GAS2: variants seen among roughly 807,000 people sequenced by gnomAD.
GAS2 encodes the protein growth arrest specific 2.
GAS2 carries 20 observed loss-of-function variants against 37.5 expected under a neutral mutation model. The ratio of observed to expected loss-of-function variants is 0.53; its 90% CI spans 0.37 to 0.77. The LOEUF (loss-of-function observed/expected upper bound fraction) is 0.77. Ranked by LOEUF, GAS2 falls within the 30% of genes least tolerant of loss-of-function variation. The pLI is 0.00. For synonymous variants in GAS2, 144 were observed against 132.2 expected (o/e 1.09, Z -0.61); for missense variants, 336 against 373.4 (o/e 0.90, Z 0.82).
rs1293237183 is a variant in GAS2 at position 22,812,032 on chromosome 11, A to C, written c.*16A>C. 6.3e-7 allele frequency: 1 copy of C among 1,591,688 alleles called. No homozygotes were observed. Among genetic ancestry groups the C allele is most frequent in the African/African-American group, 1.3e-5 (1 of 74,490 alleles). On this transcript the variant is annotated 3_prime_UTR_variant, in exon 8 of 8. Transcript: ENST00000454584. ...AATTAAGTGAAACAAATTGGTCATG[A>C]CAAGGGGACCCTCATAATGGCCTGT...
At chr11:22,663,405 C>CA (rs551422163), upstream of GAS2, among the ~76,000 whole-genome samples, 2,344 of 128,536 alleles carry the variant, frequency 0.018, 50 homozygotes, top group East Asian at 0.087. Context: ...TAGCCCTTCT[C>CA]AAAAAAAAAA....
chr11:22,646,196 T>A (rs1848688716), intron 1 of GAS2, among the ~76,000 whole-genome samples: 1 of 152,230 alleles, frequency 6.6e-6, no homozygotes, highest in African/African-American at 2.4e-5. Context: ...ATGTAATATC[T>A]GTAATTCTGT....
intron 4 of GAS2, among the ~76,000 whole-genome samples, chr11:22,729,952 C>T (rs1277930500): frequency 2.0e-5 from 3 of 151,342 alleles, no homozygotes; most frequent in Non-Finnish European, 3.0e-5. Context: ...GTTCTGCTTC[C>T]AAAAATGTAT....
chr11:22,652,428 T>C (rs1590573647), intron 1 of GAS2, among the ~76,000 whole-genome samples: 2 of 152,234 alleles, frequency 1.3e-5, no homozygotes, highest in African/African-American at 2.4e-5. Flanking sequence ...GCAGGCCTCC[T>C]TGAGCTGTGG....
intron 7 of GAS2, among the ~76,000 whole-genome samples, chr11:22,789,086 A>T (rs1362580831): frequency 2.6e-5 from 4 of 151,120 alleles, no homozygotes; most frequent in Non-Finnish European, 4.4e-5. Context: ...TGGGAAAAGA[A>T]TTCAAATATA....
At chr11:22,745,432 C>A (rs1016722516) in intron 5 of GAS2, among the ~76,000 whole-genome samples, 1 of 152,022 alleles carries the variant, frequency 6.6e-6, no homozygotes, top group Non-Finnish European at 1.5e-5. Context: ...AAACTGGATC[C>A]ATACCAATCA....
At chr11:22,758,434 G>A (rs1029371875) in intron 7 of GAS2, among the ~76,000 whole-genome samples, 1 of 152,152 alleles carries the variant, frequency 6.6e-6, no homozygotes, top group Non-Finnish European at 1.5e-5. Flanking sequence ...CACATACATT[G>A]TGTCTTAACA....
intron 1 of GAS2, among the ~76,000 whole-genome samples, chr11:22,642,505 C>A (rs337499): frequency 0.98 from 148,440 of 152,238 alleles, 72,496 homozygotes; most frequent in East Asian, 1. Flanking sequence ...CTTGTTTTTT[C>A]ATCACAGACT....
chr11:22,742,777 T>C (rs2134251681), intron 5 of GAS2, among the ~76,000 whole-genome samples: 1 of 152,222 alleles, frequency 6.6e-6, no homozygotes, highest in South Asian at 2.1e-4. Context: ...CTGTTGTTAC[T>C]CGAACATAAG....
intron 7 of GAS2, among the ~76,000 whole-genome samples, chr11:22,804,451 T>C (rs1856801086): frequency 6.6e-6 from 1 of 152,106 alleles, no homozygotes; most frequent in Admixed American, 6.6e-5. Flanking sequence ...ATATTGTATT[T>C]GATACATTAG....
intron 4 of GAS2, among the ~76,000 whole-genome samples, chr11:22,730,452 A>G (rs1256183596): frequency 1.3e-5 from 2 of 151,832 alleles, no homozygotes; most frequent in African/African-American, 4.8e-5. Context: ...TTGTATCATA[A>G]CAAAGGTTTT....
At chr11:22,649,520 G>T (rs1257923993) in intron 1 of GAS2, among the ~76,000 whole-genome samples, 3 of 152,194 alleles carry the variant, frequency 2.0e-5, no homozygotes, top group African/African-American at 7.2e-5. Flanking sequence ...ACCTCTGGTA[G>T]AATTCGGCTG....
At chr11:22,718,468 A>T (rs1851791226) in intron 3 of GAS2, among the ~76,000 whole-genome samples, 1 of 146,366 alleles carries the variant, frequency 6.8e-6, no homozygotes, top group African/African-American at 2.5e-5. Context: ...AGCTATGAAG[A>T]TGAAAAGGCA....
At chr11:22,756,501 A>G (rs906739257) in intron 7 of GAS2, among the ~76,000 whole-genome samples, 2 of 152,114 alleles carry the variant, frequency 1.3e-5, no homozygotes, top group African/African-American at 4.8e-5. Context: ...TGATTTGAAT[A>G]CGTACATCTA....
chr11:22,764,147 G>GT (rs1290553804), intron 7 of GAS2, among the ~76,000 whole-genome samples: 9 of 152,026 alleles, frequency 5.9e-5, no homozygotes, highest in Admixed American at 1.3e-4. Context: ...CAGCTAATGT[G>GT]TTTTTTTCTG....
At chr11:22,655,044 C>T (rs1396105176) in intron 1 of GAS2, among the ~76,000 whole-genome samples, 2 of 152,148 alleles carry the variant, frequency 1.3e-5, no homozygotes, top group South Asian at 2.1e-4. Context: ...TTCAAAACCA[C>T]CTTAAACCTG....
intron 1 of GAS2, among the ~76,000 whole-genome samples, chr11:22,640,934 A>C (rs993155831): frequency 1.3e-5 from 2 of 152,060 alleles, no homozygotes; most frequent in Non-Finnish European, 2.9e-5. Flanking sequence ...ATTTGTGTAA[A>C]TAGGACTGGG....
At chr11:22,716,903 C>T (rs569369064) in intron 3 of GAS2, among the ~76,000 whole-genome samples, 7 of 151,938 alleles carry the variant, frequency 4.6e-5, no homozygotes, top group South Asian at 2.1e-4. Context: ...ACAGTAGCTG[C>T]AAAAAATAAT....
At chr11:22,669,173 AT>A (rs1413722607) in intron 1 of GAS2, among the ~76,000 whole-genome samples, 3 of 152,210 alleles carry the variant, frequency 2.0e-5, no homozygotes, top group African/African-American at 7.2e-5. Flanking sequence ...AGAAATCTTT[AT>A]ATTAAAACAA....
Sources: gnomAD v4.1 joint callset for allele counts (sites outside exome capture counted in the v4.1 genomes callset) on GRCh38, gnomAD v4.1.1 for gene constraint, MANE v1.5 for transcripts, NCBI Gene and HGNC (gene_info 2026-07-23, HGNC 2026-07-21) for gene names.